The following CBR4 variants were observed in gnomAD, a reference collection of about 807,000 sequenced individuals.
CBR4 encodes the protein 3-oxoacyl-[acyl-carrier-protein] reductase.
A neutral mutation model predicts 21.0 loss-of-function variants in CBR4; 22 were observed. That is an observed-to-expected ratio of 1.05 (90% CI 0.75 to 1.50). The LOEUF (loss-of-function observed/expected upper bound fraction) is 1.50. Ranked by LOEUF, CBR4 falls within the 40% of genes most tolerant of loss-of-function variation. The pLI is 0.00. For missense variants in CBR4, 302 were observed against 286.3 expected, an observed-to-expected ratio of 1.05 and a Z score of -0.40; for synonymous variants, 100 against 104.4, an observed-to-expected ratio of 0.96 and a Z score of 0.26.
intron 2 of CBR4, among the ~76,000 whole-genome samples, chr4:168,972,794 T>C (rs1463118597): frequency 1.3e-5 from 2 of 152,218 alleles, no homozygotes; most frequent in African/African-American, 2.4e-5. Flanking sequence ...TTGCTCTGGC[T>C]AGGACTCCTA....
chr4:168,973,732 T>A (rs1360265711), intron 2 of CBR4, among the ~76,000 whole-genome samples: 2 of 152,252 alleles, frequency 1.3e-5, no homozygotes, highest in African/African-American at 4.8e-5. Context: ...CTACTTGTTA[T>A]CGGTCTGTTC....
downstream of CBR4, among the ~76,000 whole-genome samples, chr4:168,984,247 T>C (rs2126789431): frequency 6.6e-6 from 1 of 152,226 alleles, no homozygotes; most frequent in East Asian, 1.9e-4. Flanking sequence ...ATCAGTAGTA[T>C]TTATCTATAC....
chr4:168,917,887 G>A (rs183111460), intron 2 of CBR4, among the ~76,000 whole-genome samples: 11 of 152,070 alleles, frequency 7.2e-5, no homozygotes, highest in African/African-American at 2.2e-4. Flanking sequence ...AATTCTACTA[G>A]TGCTTATATA....
chr4:168,936,991 C>T (rs915680478), intron 2 of CBR4, among the ~76,000 whole-genome samples: 31 of 152,032 alleles, frequency 2.0e-4, no homozygotes, highest in African/African-American at 7.0e-4. Context: ...TCAAATTCAC[C>T]AAGGTTGAAG....
At chr4:168,905,370 G>C (rs1014967849) in intron 2 of CBR4, among the ~76,000 whole-genome samples, 1 of 151,190 alleles carries the variant, frequency 6.6e-6, no homozygotes, top group Non-Finnish European at 1.5e-5. Flanking sequence ...GGATGGTCTC[G>C]ATCTCCTGAC....
Position 168,926,293 on chromosome 4 carries a change from C to T in CBR4, n.170-31528G>A. On this transcript the variant is annotated intron_variant and non_coding_transcript_variant, in intron 2 of 3. Transcript: ENST00000509108. ...CAGTCGCTATGCAGCACTTTCGGAC[C>T]AGGGACTAGACATCAAAGCAGCGTT... 2.0e-6 allele frequency: 3 copies of T among 1,537,136 alleles called. No individual in the cohort carries two copies. Among genetic ancestry groups the T allele is most frequent in the Non-Finnish European group, 2.6e-6 (3 of 1,146,796 alleles).
intron 2 of CBR4, among the ~76,000 whole-genome samples, chr4:168,965,085 CA>C (rs1191780757): frequency 6.6e-6 from 1 of 152,084 alleles, no homozygotes; most frequent in African/African-American, 2.4e-5. Flanking sequence ...AATCAATGTG[CA>C]AAAATCATAA....
At position 168,896,796 on chromosome 4, in the gene CBR4, AATTT is replaced by A. The variant is rs554592507; in HGVS notation, n.170-2035_170-2032del. Among the ~76,000 whole-genome samples, 29 of 152,008 alleles carry A rather than the reference AATTT, an allele frequency of 1.9e-4. No individual in the cohort carries two copies. The South Asian group carries it at 4.6e-3, about 24-fold the overall frequency. ...TTCTTGTCATGTATTTACCAGCTTG[AATTT>A]ATTTATTTATTTTTACTTTATGTAT... On this transcript the variant is annotated intron_variant and non_coding_transcript_variant, in intron 2 of 3. Transcript: ENST00000509108.
rs1764811699 is a variant in CBR4 at position 168,989,534 on chromosome 4, A to G, written c.*616T>C. On this transcript the variant is annotated 3_prime_UTR_variant, in exon 5 of 5. Coordinates refer to ENST00000306193, the MANE Select transcript of CBR4 (RefSeq NM_032783.5). ...AAAAACTGATCACCCAAGCACATGC[A>G]AAAGGAATATAGTTATCTTTAGTGG... 1 of 985,338 alleles carries G rather than the reference A, an allele frequency of 1.0e-6. No homozygotes were observed. The highest frequency in any genetic ancestry group is 1.2e-6 in the Non-Finnish European group (1 of 829,932). 61.0% of individuals were successfully genotyped at this position (985,338 alleles called of 1,614,324 possible). A position where few individuals can be genotyped will look rare whatever the true frequency, so the allele number is the denominator to read the frequency against.
intron 2 of CBR4, among the ~76,000 whole-genome samples, chr4:168,981,293 G>GGAGGTT: frequency 6.6e-6 from 1 of 152,098 alleles, no homozygotes. Flanking sequence ...CAGCTACTCG[G>GGAGGTT]GAGGTTGAGG....
At position 168,997,744 on chromosome 4, in the gene CBR4, T is replaced by G. The variant is rs182489039; in HGVS notation, c.535+4327A>C. On this transcript the variant is annotated intron_variant, in intron 4 of 4. Coordinates refer to ENST00000306193, the MANE Select transcript of CBR4 (RefSeq NM_032783.5). The stretch of plus-strand genomic sequence containing the variant: ...TTTATATACAGCAGAGCCTTTATAT[T>G]TAAAAAGGCATCAGGATTTTAGCCT... 4.8e-3 allele frequency among the ~76,000 whole-genome samples: 736 copies of G among 152,318 alleles called. 7 individuals carry two copies. Among genetic ancestry groups the G allele is most frequent in the Admixed American group, 5.5e-3 (84 of 15,306 alleles).
At chr4:168,925,211 C>G (rs754499966) in intron 2 of CBR4, 3 of 1,459,218 alleles carry the variant, frequency 2.1e-6, no homozygotes, top group Non-Finnish European at 1.8e-6. Context: ...TCATATTGCT[C>G]TCTCTCTCTT....
At chr4:169,008,241 C>A (rs1001181653) in intron 1 of CBR4, among the ~76,000 whole-genome samples, 4 of 151,998 alleles carry the variant, frequency 2.6e-5, no homozygotes, top group Non-Finnish European at 5.9e-5. Flanking sequence ...ATTATAACGA[C>A]TATTATTCAA....
At chr4:168,910,206 T>C (rs1287291496) in intron 2 of CBR4, among the ~76,000 whole-genome samples, 1 of 149,220 alleles carries the variant, frequency 6.7e-6, no homozygotes, top group African/African-American at 2.5e-5. Flanking sequence ...CAGAGTAGTA[T>C]GCCAACCTGT....
chr4:168,914,470 C>T (rs953080211), intron 2 of CBR4, among the ~76,000 whole-genome samples: 2 of 152,194 alleles, frequency 1.3e-5, no homozygotes, highest in African/African-American at 4.8e-5. Context: ...TAGTTCAAAA[C>T]ATAAGACCAT....
intron 2 of CBR4, among the ~76,000 whole-genome samples, chr4:168,979,161 C>T (rs967151659): frequency 2.0e-5 from 3 of 151,782 alleles, no homozygotes; most frequent in African/African-American, 7.3e-5. Context: ...ACAAGCCCCC[C>T]TCCCTGCTCC....
At chr4:168,973,578 T>C (rs1356780730) in intron 2 of CBR4, among the ~76,000 whole-genome samples, 1 of 152,252 alleles carries the variant, frequency 6.6e-6, no homozygotes, top group Non-Finnish European at 1.5e-5. Context: ...TCCACCTGCC[T>C]TGGCCTCCCA....
At chr4:168,945,875 A>G (rs1025118399) in intron 2 of CBR4, among the ~76,000 whole-genome samples, 1 of 152,198 alleles carries the variant, frequency 6.6e-6, no homozygotes, top group Non-Finnish European at 1.5e-5. Flanking sequence ...CAAACGCTAG[A>G]AAGCAGATGG....
intron 2 of CBR4, among the ~76,000 whole-genome samples, chr4:168,932,068 A>T (rs1215155971): frequency 6.6e-6 from 1 of 152,192 alleles, no homozygotes; most frequent in East Asian, 1.9e-4. Context: ...CCAAAAGAAC[A>T]CAATAATGCT....
Sources: gnomAD v4.1 joint callset for allele counts (sites outside exome capture counted in the v4.1 genomes callset) on GRCh38, gnomAD v4.1.1 for gene constraint, MANE v1.5 for transcripts, NCBI Gene and HGNC (gene_info 2026-07-23, HGNC 2026-07-21) for gene names.